SYNPR: variants seen among roughly 807,000 people sequenced by gnomAD.
The protein encoded by SYNPR is synaptoporin.
SYNPR carries 23 observed loss-of-function variants against 32.9 expected under a neutral mutation model. That is an observed-to-expected ratio of 0.70 (90% CI 0.50 to 0.99). SYNPR has a LOEUF of 0.99. Ranked by LOEUF, SYNPR falls within the 50% of genes least tolerant of loss-of-function variation. SYNPR has a pLI of 0.00. For synonymous variants in SYNPR, 146 were observed against 135.9 expected (o/e 1.07, Z -0.52); for missense variants, 318 against 349.3 (o/e 0.91, Z 0.71).
chr3:63,204,428 T>G, the SYNPR span, among the ~76,000 whole-genome samples: 1 of 152,180 alleles, frequency 6.6e-6, no homozygotes, highest in Non-Finnish European at 1.5e-5. Flanking sequence ...CTGGTCTTAT[T>G]GGATTAAAGG....
At chr3:63,458,742 A>G (rs565848635) in intron 2 of SYNPR, among the ~76,000 whole-genome samples, 1 of 152,186 alleles carries the variant, frequency 6.6e-6, no homozygotes, top group Admixed American at 6.5e-5. Flanking sequence ...CATCATCTCT[A>G]TGAGTCCAAT....
chr3:63,556,836 T>A, intron 4 of SYNPR, 95 bp downstream of exon 4: 1 of 1,189,954 alleles, frequency 8.4e-7, no homozygotes, highest in Non-Finnish European at 1.1e-6. Context: ...GCCCTCGGGT[T>A]AGGTGTTTGA....
chr3:63,472,096 G>A (rs1165163188), intron 2 of SYNPR, among the ~76,000 whole-genome samples: 1 of 152,178 alleles, frequency 6.6e-6, no homozygotes, highest in Admixed American at 6.5e-5. Context: ...GACGATCAGG[G>A]CTTTGTCTTA....
intron 4 of SYNPR, among the ~76,000 whole-genome samples, chr3:63,557,752 T>A (rs1202592492): frequency 2.6e-5 from 4 of 152,218 alleles, no homozygotes; most frequent in Non-Finnish European, 2.9e-5. Context: ...CTCCATTTGT[T>A]TTCATTTATG....
chr3:63,334,726 C>G (rs2087266384), intron 2 of SYNPR, among the ~76,000 whole-genome samples: 1 of 152,188 alleles, frequency 6.6e-6, no homozygotes, highest in African/African-American at 2.4e-5. Context: ...TTCCTACAGC[C>G]TCTCCTGACT....
intron 1 of SYNPR, among the ~76,000 whole-genome samples, chr3:63,247,935 C>T (rs1030313620): frequency 6.6e-6 from 1 of 152,062 alleles, no homozygotes; most frequent in East Asian, 1.9e-4. Flanking sequence ...CCAGGTGATG[C>T]CTCATATGGT....
At chr3:63,385,524 C>A (rs2088027875) in intron 2 of SYNPR, among the ~76,000 whole-genome samples, 1 of 152,174 alleles carries the variant, frequency 6.6e-6, no homozygotes, top group Admixed American at 6.5e-5. Flanking sequence ...TTGTGAAAAT[C>A]TAATGAAACA....
chr3:63,352,520 G>A (rs2087523532), intron 2 of SYNPR, among the ~76,000 whole-genome samples: 1 of 152,178 alleles, frequency 6.6e-6, no homozygotes, highest in South Asian at 2.1e-4. Flanking sequence ...GCTAACTGAT[G>A]TAAACAGAGA....
At chr3:63,386,307 T>C (rs1480226243) in intron 2 of SYNPR, among the ~76,000 whole-genome samples, 3 of 152,306 alleles carry the variant, frequency 2.0e-5, no homozygotes, top group African/African-American at 4.8e-5. Context: ...CTGAGCCTTA[T>C]TGTCTTACTC....
At position 63,509,091 on chromosome 3, in the gene SYNPR, T is replaced by C. The variant is rs371521768; in HGVS notation, c.209+28135T>C. Among the ~76,000 whole-genome samples, 10 of 151,764 alleles carry C rather than the reference T, an allele frequency of 6.6e-5. No individual in the cohort carries two copies. The East Asian group carries it at 1.6e-3, about 24-fold the overall frequency. On this transcript the variant is annotated intron_variant, in intron 3 of 5. Transcript: ENST00000478300. ...ATCAGCTGTATTTCCTTAATACTCATGTACCTTTCAGCATATATATATATA... is the reference window on the plus strand; with the variant it reads ...ATCAGCTGTATTTCCTTAATACTCACGTACCTTTCAGCATATATATATATA...
intron 2 of SYNPR, among the ~76,000 whole-genome samples, chr3:63,365,685 A>C (rs912499598): frequency 3.3e-5 from 5 of 152,222 alleles, no homozygotes; most frequent in Non-Finnish European, 5.9e-5. Flanking sequence ...CGTTAATTTG[A>C]GGAAAAGAAT....
intron 2 of SYNPR, among the ~76,000 whole-genome samples, chr3:63,408,186 GAAAGAAAGAGGAAGGAAGGA>G (rs1214407998): frequency 2.1e-5 from 2 of 95,290 alleles, no homozygotes; most frequent in African/African-American, 8.9e-5. Flanking sequence ...AAGAAAGAAA[GAAAGAAAGAGGAAGGAAGGA>G]AGGAAGGAAG....
At chr3:63,407,335 A>T (rs1305384947) in intron 2 of SYNPR, among the ~76,000 whole-genome samples, 1 of 152,220 alleles carries the variant, frequency 6.6e-6, no homozygotes, top group Non-Finnish European at 1.5e-5. Context: ...TGAGTGAAGG[A>T]TTACATGAGT....
At chr3:63,234,515 C>G (rs780907197) in intron 1 of SYNPR, among the ~76,000 whole-genome samples, 2 of 152,148 alleles carry the variant, frequency 1.3e-5, no homozygotes, top group African/African-American at 2.4e-5. Flanking sequence ...GAAAATGAAT[C>G]ATATTCTAAT....
chr3:63,294,263 T>C (rs1051042308), intron 2 of SYNPR, among the ~76,000 whole-genome samples: 14 of 152,200 alleles, frequency 9.2e-5, no homozygotes, highest in African/African-American at 3.1e-4. Context: ...GCTCAGAAGA[T>C]TATACATTTT....
At chr3:63,524,413 A>T (rs1266386766) in intron 3 of SYNPR, among the ~76,000 whole-genome samples, 1 of 152,174 alleles carries the variant, frequency 6.6e-6, no homozygotes, top group Non-Finnish European at 1.5e-5. Flanking sequence ...GTCTTTCAGG[A>T]TGGCTACGAA....
chr3:63,599,659 G>A (rs994967316), intron 4 of SYNPR, among the ~76,000 whole-genome samples: 2 of 152,084 alleles, frequency 1.3e-5, no homozygotes, highest in African/African-American at 4.8e-5. Flanking sequence ...GACAGATGAC[G>A]GTATTTCATT....
chr3:63,507,746 C>T (rs1575681929), intron 3 of SYNPR, among the ~76,000 whole-genome samples: 2 of 151,908 alleles, frequency 1.3e-5, no homozygotes, highest in South Asian at 4.2e-4. Context: ...ATATCACCTC[C>T]GTGATTTTTG....
intron 2 of SYNPR, among the ~76,000 whole-genome samples, chr3:63,343,928 C>T (rs1052547391): frequency 1.2e-4 from 19 of 152,354 alleles, no homozygotes; most frequent in Middle Eastern, 3.4e-3. Flanking sequence ...ATGCCGGAAA[C>T]GGCTTGAGCT....
Sources: gnomAD v4.1 joint callset for allele counts (sites outside exome capture counted in the v4.1 genomes callset) on GRCh38, gnomAD v4.1.1 for gene constraint, MANE v1.5 for transcripts, NCBI Gene and HGNC (gene_info 2026-07-23, HGNC 2026-07-21) for gene names.